Variants in PLXND1 observed in about 807,000 individuals in gnomAD.
PLXND1 encodes the protein plexin D1.
In PLXND1, 54 loss-of-function variants were observed where a neutral mutation model predicts 197.7. That is an observed-to-expected ratio of 0.27 (90% CI 0.22 to 0.34). The LOEUF (loss-of-function observed/expected upper bound fraction) is 0.34. Ranked by LOEUF, PLXND1 falls within the 10% of genes least tolerant of loss-of-function variation. The pLI is 1.00. For synonymous variants in PLXND1, 1,180 were observed against 1,161.2 expected, an observed-to-expected ratio of 1.02 and a Z score of -0.33; for missense variants, 2,127 against 2,699.2, an observed-to-expected ratio of 0.79 and a Z score of 4.70.
Position 129,605,891 on chromosome 3 carries a change from G to T in PLXND1, c.749C>A (p.Ala250Asp). The T allele has an allele frequency of 6.2e-7, 1 of 1,613,464 alleles. No homozygotes were observed. The change falls in exon 1 of 36, where the codon GCC becomes GAC. Residue 250 changes from alanine to aspartate, a missense_variant. Coordinates refer to ENST00000324093, the MANE Select transcript of PLXND1 (RefSeq NM_015103.3). ...GTTGAGGTCGAAGGTGAAGAGCTTG[G>T]CCAGGTCGCCGCGCGTGTCCAGGGA... ...IRSLDTRGDL[A>D]KLFTFDLNPS...
rs1362348469 is a variant in PLXND1, at chr3:129,605,668, G to T, written c.972C>A (p.Pro324=). 2 of 1,537,580 alleles carry T rather than the reference G, an allele frequency of 1.3e-6. No individual in the cohort carries two copies. Among genetic ancestry groups the T allele is most frequent in the Non-Finnish European group, 1.7e-6 (2 of 1,145,252 alleles). ...ARSLLARICL[P]HGAGGDAKKL... ...TCTTGGCGTCGCCGCCGGCGCCGTG[G>T]GGCAGGCAGATGCGCGCCAGCAGGC... The change falls in exon 1 of 36, where the codon CCC becomes CCA. Residue 324 remains proline, a synonymous_variant. Coordinates refer to ENST00000324093, the MANE Select transcript of PLXND1 (RefSeq NM_015103.3).
chr3:129,595,647 T>C (rs1486167638), intron 1 of PLXND1, among the ~76,000 whole-genome samples: 1 of 152,116 alleles, frequency 6.6e-6, no homozygotes, highest in African/African-American at 2.4e-5. Context: ...CTGCCTTGGT[T>C]TCCCTGACCC....
intron 1 of PLXND1, among the ~76,000 whole-genome samples, chr3:129,600,552 C>T (rs1458675537): frequency 6.6e-6 from 1 of 152,006 alleles, no homozygotes; most frequent in Non-Finnish European, 1.5e-5. Flanking sequence ...CTGGGACACA[C>T]AGCTTATGGA....
Position 129,555,223 on chromosome 3 carries a change from C to A in PLXND1, c.*1089G>T. On this transcript the variant is annotated 3_prime_UTR_variant, in exon 36 of 36. Coordinates refer to ENST00000324093, the MANE Select transcript of PLXND1 (RefSeq NM_015103.3). ...AGGCTGGAGCCCACAGTAGGTTTGT[C>A]CGTAAGGCTTTTATTATAAAGAAGA... 2.5e-6 allele frequency: 1 copy of A among 407,482 alleles called. No individual in the cohort carries two copies. Among genetic ancestry groups the A allele is most frequent in the South Asian group, 4.4e-5 (1 of 22,688 alleles). The allele number at this position is 407,482 out of a possible 1,614,324, so 25.2% of individuals were successfully genotyped here.
intron 30 of PLXND1, 54 bp from the exon 31 acceptor site, chr3:129,560,488 T>C: frequency 1.6e-6 from 2 of 1,282,732 alleles, no homozygotes; most frequent in South Asian, 2.4e-5. Context: ...CTCGGCCGCC[T>C]GTGGGAGGTC....
At chr3:129,593,082 G>T (rs2085570145) in intron 1 of PLXND1, among the ~76,000 whole-genome samples, 2 of 152,224 alleles carry the variant, frequency 1.3e-5, no homozygotes, top group Non-Finnish European at 2.9e-5. Context: ...GGAAGGCTCG[G>T]CTATCCCCGC....
intron 8 of PLXND1, among the ~76,000 whole-genome samples, chr3:129,581,594 T>C (rs1245062617): frequency 6.6e-6 from 1 of 152,198 alleles, no homozygotes; most frequent in Non-Finnish European, 1.5e-5. Context: ...ATAGAGTTGG[T>C]ATCTTACGGG....
At position 129,555,547 on chromosome 3, in the gene PLXND1, T is replaced by TAAA; in HGVS notation, c.*762_*764dup. On this transcript the variant is annotated 3_prime_UTR_variant, in exon 36 of 36. Coordinates refer to ENST00000324093, the MANE Select transcript of PLXND1 (RefSeq NM_015103.3). ...TACGTTTTTTAATATATAAAAGCTT[T>TAAA]AAAAAAAAAAGTGGTGCTATCTTTA... The TAAA allele has an allele frequency of 1.8e-6, 1 of 559,590 alleles. No individual in the cohort carries two copies. Among genetic ancestry groups the TAAA allele is most frequent in the African/African-American group, 2.0e-5 (1 of 51,054 alleles). The allele number at this position is 559,590 out of a possible 1,614,324, so 34.7% of individuals were successfully genotyped here.
At chr3:129,603,196 C>T (rs2085735434) in intron 1 of PLXND1, among the ~76,000 whole-genome samples, 2 of 152,158 alleles carry the variant, frequency 1.3e-5, no homozygotes, top group African/African-American at 4.8e-5. Context: ...CAAGGAAGGC[C>T]GCAGCCGGAA....
intron 20 of PLXND1, among the ~76,000 whole-genome samples, chr3:129,568,802 G>A (rs1008032753): frequency 6.6e-6 from 1 of 152,194 alleles, no homozygotes; most frequent in African/African-American, 2.4e-5. Flanking sequence ...ACCCACCTTG[G>A]CCTCCCAAAG....
At position 129,567,723 on chromosome 3, in the gene PLXND1, A is replaced by C; in HGVS notation, c.3948T>G (p.Ser1316=). The change falls in exon 21 of 36, where the codon TCT becomes TCG. Residue 1316 remains serine, a synonymous_variant. Transcript: ENST00000324093. ...KTLLQMEEME[S]QIREEIRKGF... is the part of the protein sequence containing the mutation. Reference sequence around the variant, plus strand: ...CTTTGCGGATTTCCTCTCGGATCTGAGATTCCATCTCCTCCATCTGCAGCA... The same window carrying C: ...CTTTGCGGATTTCCTCTCGGATCTGCGATTCCATCTCCTCCATCTGCAGCA... The C allele has an allele frequency of 6.2e-7, 1 of 1,611,978 alleles. No individual in the cohort carries two copies. Among genetic ancestry groups the C allele is most frequent in the South Asian group, 1.1e-5 (1 of 91,030 alleles).
chr3:129,585,212 G>A (rs780850430), intron 5 of PLXND1, among the ~76,000 whole-genome samples: 1 of 152,184 alleles, frequency 6.6e-6, no homozygotes, highest in Admixed American at 6.5e-5. Flanking sequence ...GTGTGATAAC[G>A]GCAGGGCAGG....
intron 35 of PLXND1, 28 bp from the exon 36 acceptor site, chr3:129,556,456 C>A: frequency 6.4e-7 from 1 of 1,567,512 alleles, no homozygotes; most frequent in African/African-American, 1.3e-5. Flanking sequence ...GTCAGCCGGG[C>A]CATGGCCGGT....
rs1281886100 is a variant in PLXND1, at chr3:129,561,841, C to T, written c.4888G>A (p.Glu1630Lys). 6.2e-7 allele frequency: 1 copy of T among 1,614,054 alleles called. No individual in the cohort carries two copies. The highest frequency in any genetic ancestry group is 1.7e-5 in the Admixed American group (1 of 60,036). ...LRDLDDTSVV[E>K]DGRKKLNTLA... ...GTGTTAAGCTTCTTGCGGCCGTCTTCCACCACTGAGGTGTCGTCCAGGTCC... is the reference window on the plus strand; with the variant it reads ...GTGTTAAGCTTCTTGCGGCCGTCTTTCACCACTGAGGTGTCGTCCAGGTCC... The change falls in exon 28 of 36, where the codon GAA becomes AAA. Residue 1630 changes from glutamate (E) to lysine (K), a missense_variant. Coordinates refer to ENST00000324093, the MANE Select transcript of PLXND1 (RefSeq NM_015103.3).
intron 8 of PLXND1, among the ~76,000 whole-genome samples, chr3:129,580,848 A>G (rs1056872106): frequency 5.3e-5 from 8 of 150,894 alleles, no homozygotes; most frequent in Admixed American, 4.6e-4. Flanking sequence ...GACCCCCACA[A>G]TTGCCCCCAT....
At position 129,571,134 on chromosome 3, in the gene PLXND1, C is replaced by A. The variant is rs200890421; in HGVS notation, c.3506G>T (p.Arg1169Leu). Residue 1169 changes from arginine to leucine, a missense_variant, in exon 18 of 36, where the codon CGC becomes CTC. This residue lies in a region of PLXND1 where 532 missense variants were observed against 811.0 expected (regional missense o/e 0.66). Coordinates refer to ENST00000324093, the MANE Select transcript of PLXND1 (RefSeq NM_015103.3). ...PEEAQRGSRF[R>L]LDYLPNPQFS... is the part of the protein sequence containing the mutation. ...CTGTGGGTTGGGGAGGTAGTCCAGG[C>A]GGAACCTGCTGCCCCGCTGTGCCTC... 1 of 1,614,188 alleles carries A rather than the reference C, an allele frequency of 6.2e-7. No individual in the cohort carries two copies. The highest frequency in any genetic ancestry group is 8.5e-7 in the Non-Finnish European group (1 of 1,180,030).
In PLXND1 at chr3:129,567,485, G is replaced by A. The variant is rs370715126; in HGVS notation, c.4086+7C>T. On this transcript the variant is annotated splice_region_variant and intron_variant, in intron 22 of 35. Transcript: ENST00000324093. Reference sequence around the variant, plus strand: ...CAGGTTCAGGGCAGGCTCAGGCTCGGGCTGACCTTGGGGAAGAAGGTGCGG... The same window carrying A: ...CAGGTTCAGGGCAGGCTCAGGCTCGAGCTGACCTTGGGGAAGAAGGTGCGG... 153 of 1,552,250 alleles carry A rather than the reference G, an allele frequency of 9.9e-5. No homozygotes were observed. Among genetic ancestry groups the A allele is most frequent in the Non-Finnish European group, 1.3e-4 (150 of 1,131,740 alleles).
chr3:129,586,681 C>T lies in PLXND1; in HGVS notation c.1527G>A (p.Arg509=), dbSNP rs1376901490. ...GCTCCCCATAGGCCACAGTCACCAC[C>T]CGCCTGCTCACCACCTGCATGCTCT... ...LNESMQVVSR[R]VVTVAYGEPV... Residue 509 remains arginine (R), a synonymous_variant, in exon 3 of 36, where the codon CGG becomes CGA. Coordinates refer to ENST00000324093, the MANE Select transcript of PLXND1 (RefSeq NM_015103.3). 6.3e-6 allele frequency: 10 copies of T among 1,594,242 alleles called. No individual in the cohort carries two copies. Among genetic ancestry groups the T allele is most frequent in the African/African-American group, 2.7e-5 (2 of 74,706 alleles).
At chr3:129,567,338 C>T (rs574390114) in intron 22 of PLXND1, among the ~76,000 whole-genome samples, 154 bp downstream of exon 22, 20 of 152,290 alleles carry the variant, frequency 1.3e-4, no homozygotes, top group East Asian at 3.9e-4. Context: ...CCCTTCTCCC[C>T]GTGGCAGGCC....
Sources: gnomAD v4.1 joint callset for allele counts (sites outside exome capture counted in the v4.1 genomes callset) on GRCh38, gnomAD v4.1.1 for gene constraint, gnomAD v4.1.1 regional missense constraint, MANE v1.5 for transcripts, NCBI Gene and HGNC (gene_info 2026-07-23, HGNC 2026-07-21) for gene names.